The following MAP4 variants were observed in gnomAD, a reference collection of about 807,000 sequenced individuals.
The protein encoded by MAP4 is microtubule associated protein 4.
In MAP4, 76 loss-of-function variants were observed where a neutral mutation model predicts 170.2. The observed-to-expected ratio is 0.45, with a 90% confidence interval of 0.37 to 0.54. The LOEUF (loss-of-function observed/expected upper bound fraction) is 0.54, where lower values mean the gene tolerates loss of function less well. MAP4 is among the 20% of genes least tolerant of loss of function. The pLI is 0.00. For missense variants in MAP4, 2,506 were observed against 2,748.0 expected (o/e 0.91, Z 1.97); for synonymous variants, 909 against 994.5 (o/e 0.91, Z 1.62).
intron 17 of MAP4, among the ~76,000 whole-genome samples, chr3:47,862,180 A>C (rs1378665748): frequency 7.1e-6 from 1 of 139,980 alleles, no homozygotes; most frequent in Non-Finnish European, 1.5e-5. Context: ...AAAAAAAAAA[A>C]CCTAGGTAGC....
At chr3:47,885,367 CATCA>C (rs71070239) in intron 10 of MAP4, among the ~76,000 whole-genome samples, 2,535 of 150,432 alleles carry the variant, frequency 0.017, 56 homozygotes, top group African/African-American at 0.052. Context: ...CCATCTCTAC[CATCA>C]ATCAATCAAT....
intron 1 of MAP4, among the ~76,000 whole-genome samples, chr3:48,066,847 TTTTTTTTTTTTG>T (rs2100138517): frequency 1.6e-5 from 2 of 124,536 alleles, no homozygotes; most frequent in African/African-American, 6.3e-5. Flanking sequence ...TTTTTTTTTT[TTTTTTTTTTTTG>T]AGACGGAGTC....
At chr3:48,061,442 C>T (rs1158760263) in intron 1 of MAP4, among the ~76,000 whole-genome samples, 1 of 152,154 alleles carries the variant, frequency 6.6e-6, no homozygotes, top group Non-Finnish European at 1.5e-5. Context: ...GATCTGCCAG[C>T]CTAGGCCTCC....
intron 3 of MAP4, among the ~76,000 whole-genome samples, chr3:47,950,355 T>C (rs968594212): frequency 6.6e-6 from 1 of 152,120 alleles, no homozygotes; most frequent in Non-Finnish European, 1.5e-5. Context: ...CTTAAAAACA[T>C]GGGATTTAGA....
chr3:47,876,132 C>CTTTTTTTTTTTTTTTTTTT (rs756229459), intron 11 of MAP4, among the ~76,000 whole-genome samples: 1 of 140,570 alleles, frequency 7.1e-6, no homozygotes. Flanking sequence ...TTTTCTTTTT[C>CTTTTTTTTTTTTTTTTTTT]TTTCTTTTTT....
At chr3:47,939,445 A>G (rs2100054958) in intron 3 of MAP4, among the ~76,000 whole-genome samples, 2 of 152,350 alleles carry the variant, frequency 1.3e-5, no homozygotes, top group South Asian at 4.1e-4. Context: ...ATAGTATTCA[A>G]TAAATAAGTT....
chr3:47,980,474 T>A (rs2100084851), intron 2 of MAP4, among the ~76,000 whole-genome samples: 1 of 152,222 alleles, frequency 6.6e-6, no homozygotes, highest in South Asian at 2.1e-4. Context: ...AACCCCTTAG[T>A]CCTCATAAAT....
chr3:48,060,987 G>A (rs972104398), intron 1 of MAP4, among the ~76,000 whole-genome samples: 3 of 151,908 alleles, frequency 2.0e-5, no homozygotes, highest in Non-Finnish European at 4.4e-5. Context: ...TGGGACTACA[G>A]GTACCCGCCA....
intron 3 of MAP4, among the ~76,000 whole-genome samples, chr3:47,930,470 AC>A (rs2100049038): frequency 6.6e-6 from 1 of 151,580 alleles, no homozygotes; most frequent in Non-Finnish European, 1.5e-5. Flanking sequence ...AAACAAACAA[AC>A]AAACAAAAAA....
chr3:47,861,698 A>T (rs146886089), intron 17 of MAP4, among the ~76,000 whole-genome samples: 1 of 151,922 alleles, frequency 6.6e-6, no homozygotes, highest in Non-Finnish European at 1.5e-5. Flanking sequence ...AACAAGAACA[A>T]GAACCCAAAA....
chr3:47,949,993 G>A (rs1005703937), intron 3 of MAP4, among the ~76,000 whole-genome samples: 13 of 152,160 alleles, frequency 8.5e-5, no homozygotes, highest in Non-Finnish European at 1.8e-4. Context: ...TGGCACTCCA[G>A]CAAACAATAC....
intron 3 of MAP4, among the ~76,000 whole-genome samples, chr3:47,956,416 AAAGAGGTAGGACTG>A (rs2100067863): frequency 6.6e-6 from 1 of 152,224 alleles, no homozygotes; most frequent in Admixed American, 6.5e-5. Flanking sequence ...AGCCCCATTT[AAAGAGGTAGGACTG>A]AAGGGCAGTG....
At chr3:47,863,594 A>C (rs955034991) in intron 17 of MAP4, among the ~76,000 whole-genome samples, 1 of 151,880 alleles carries the variant, frequency 6.6e-6, no homozygotes, top group Non-Finnish European at 1.5e-5. Context: ...CTGCCGCTCT[A>C]TGAGAGCCTG....
rs545268935 is a variant in MAP4, at chr3:47,917,698, T to G, written c.653-524A>C. ...AGATGTAAAATACTGGGAGGACAAG[T>G]AGTGGAGGAGAAATGGCAAAGAAGA... On this transcript the variant is annotated intron_variant, in intron 6 of 20. Transcript: ENST00000683076. Among the ~76,000 whole-genome samples the G allele has an allele frequency of 1.2e-3, 180 of 151,490 alleles. 3 individuals carry two copies. The Middle Eastern group carries it at 0.028, about 23-fold the overall frequency.
chr3:47,921,078 G>T (rs1286843958), intron 5 of MAP4, among the ~76,000 whole-genome samples: 2 of 152,126 alleles, frequency 1.3e-5, no homozygotes, highest in Admixed American at 1.3e-4. Flanking sequence ...TGACCAGGAG[G>T]CCAAGGCTGC....
intron 3 of MAP4, among the ~76,000 whole-genome samples, chr3:47,976,946 C>T (rs1049714479): frequency 1.3e-5 from 2 of 152,196 alleles, no homozygotes; most frequent in African/African-American, 2.4e-5. Flanking sequence ...AAGAGAAATA[C>T]TGTGGTGCCT....
In MAP4 at chr3:47,916,478, A is replaced by T. The variant is rs1474170903; in HGVS notation, c.1349T>A (p.Met450Lys). ...SETEVALARD[M>K]TLPPETNVIL... ...CACGTTGGTTTCCGGGGGCAGTGTC[A>T]TGTCCCTGGCCAGGGCTACCTCTGT... The change falls in exon 7 of 21, where the codon ATG becomes AAG. Residue 450 changes from methionine to lysine, a missense_variant. Physicochemically the swap from Met to Lys is moderately conservative, Grantham distance 95. This residue lies in a region of MAP4 where 2,008 missense variants were observed against 2,206.0 expected (regional missense o/e 0.91). Transcript: ENST00000683076. The T allele has an allele frequency of 6.2e-7, 1 of 1,614,194 alleles. No homozygotes were observed. The highest frequency in any genetic ancestry group is 2.2e-5 in the East Asian group (1 of 44,882).
intron 1 of MAP4, among the ~76,000 whole-genome samples, chr3:48,004,952 C>T (rs1461248793): frequency 6.6e-6 from 1 of 152,116 alleles, no homozygotes; most frequent in Non-Finnish European, 1.5e-5. Context: ...AATGTTGATT[C>T]TCCTTAGAAG....
rs181364536 is a variant in MAP4 at position 47,971,959 on chromosome 3, G to C, written c.292+5906C>G. Among the ~76,000 whole-genome samples the C allele has an allele frequency of 2.9e-4, 44 of 152,182 alleles. 1 individual carries two copies. Among genetic ancestry groups the C allele is most frequent in the Admixed American group, 2.7e-3 (41 of 15,292 alleles). The stretch of plus-strand genomic sequence containing the variant: ...TCAATTACCAAAAGCTTTAAACCTA[G>C]GGTATGTATAAGAAAGTTAATGGTC... On this transcript the variant is annotated intron_variant, in intron 3 of 20. Transcript: ENST00000683076.
Sources: allele counts gnomAD v4.1 joint callset (sites outside exome capture counted in the v4.1 genomes callset), GRCh38; gene constraint gnomAD v4.1.1; regional missense constraint gnomAD v4.1.1; transcripts MANE v1.5; gene names NCBI Gene and HGNC (gene_info 2026-07-23, HGNC 2026-07-21).